Variants in BBX observed in about 807,000 individuals in gnomAD.
The protein encoded by BBX is BBX high mobility group box domain containing.
BBX carries 30 observed loss-of-function variants against 100.2 expected under a neutral mutation model. That is an observed-to-expected ratio of 0.30 (90% confidence interval 0.22 to 0.41). The LOEUF (loss-of-function observed/expected upper bound fraction) is 0.41. BBX is among the 10% of genes least tolerant of loss of function. The pLI, the probability that BBX is intolerant of heterozygous loss-of-function variation, is 1.00. For synonymous variants in BBX, 376 were observed against 388.1 expected (o/e 0.97, Z 0.37); for missense variants, 1,023 against 1,129.8 (o/e 0.91, Z 1.35).
chr3:107,617,533 AT>A (rs2055387994), intron 2 of BBX, among the ~76,000 whole-genome samples: 1 of 151,888 alleles, frequency 6.6e-6, no homozygotes, highest in Non-Finnish European at 1.5e-5. Context: ...AGTTACTGAG[AT>A]CTCCCTTGAT....
chr3:107,691,357 T>G (rs890183685), intron 3 of BBX, among the ~76,000 whole-genome samples: 3 of 152,220 alleles, frequency 2.0e-5, no homozygotes, highest in Non-Finnish European at 4.4e-5. Flanking sequence ...AAATAAGGTT[T>G]TAGTACTTGG....
In BBX at chr3:107,725,319, G is replaced by T. The variant is rs2062840371; in HGVS notation, c.406-3446G>T. Among the ~76,000 whole-genome samples the T allele has an allele frequency of 2.0e-5, 3 of 152,118 alleles. 1 individual carries two copies. In the South Asian group the frequency reaches 6.2e-4, roughly 32 times the overall value. Reference sequence around the variant, plus strand: ...TAAGGAGATTTTGGGCTGAGACAATGGGGTTTTCTAGATATACAATCATGT... The same window carrying T: ...TAAGGAGATTTTGGGCTGAGACAATTGGGTTTTCTAGATATACAATCATGT... On this transcript the variant is annotated intron_variant, in intron 5 of 17. Coordinates refer to ENST00000325805, the MANE Select transcript of BBX (RefSeq NM_001142568.3).
At chr3:107,740,246 C>A (rs1419863834) in intron 7 of BBX, among the ~76,000 whole-genome samples, 1 of 152,046 alleles carries the variant, frequency 6.6e-6, no homozygotes, top group Non-Finnish European at 1.5e-5. Flanking sequence ...AAAACCATCT[C>A]TTCTCATAAA....
chr3:107,661,382 G>A (rs1224634538), intron 3 of BBX, among the ~76,000 whole-genome samples: 3 of 152,116 alleles, frequency 2.0e-5, no homozygotes, highest in Non-Finnish European at 4.4e-5. Context: ...TGTGTCTTGG[G>A]CAAGTCACAT....
intron 13 of BBX, among the ~76,000 whole-genome samples, chr3:107,786,230 G>A (rs979212303): frequency 6.6e-6 from 1 of 151,986 alleles, no homozygotes; most frequent in Admixed American, 6.6e-5. Flanking sequence ...TTGTTAAGAT[G>A]GAAACACTCT....
chr3:107,594,807 A>T (rs2053568908), intron 2 of BBX, among the ~76,000 whole-genome samples: 2 of 152,204 alleles, frequency 1.3e-5, no homozygotes, highest in Non-Finnish European at 2.9e-5. Context: ...GAAAAAAAAA[A>T]TTTGATAAAC....
intron 2 of BBX, among the ~76,000 whole-genome samples, chr3:107,579,572 C>T (rs2107544426): frequency 6.6e-6 from 1 of 152,338 alleles, no homozygotes; most frequent in South Asian, 2.1e-4. Flanking sequence ...TCCTGAGAGC[C>T]TGGCGGGTCT....
chr3:107,525,134 C>T (rs1343061082), intron 1 of BBX, among the ~76,000 whole-genome samples: 1 of 148,848 alleles, frequency 6.7e-6, no homozygotes, highest in African/African-American at 2.4e-5. Context: ...AGCCAGCGGC[C>T]CAGGGGCGCC....
At chr3:107,650,461 TG>T (rs923974091) in intron 3 of BBX, among the ~76,000 whole-genome samples, 4 of 151,778 alleles carry the variant, frequency 2.6e-5, no homozygotes, top group African/African-American at 9.7e-5. Flanking sequence ...AAAAAAAACA[TG>T]GGGACCACTG....
intron 2 of BBX, among the ~76,000 whole-genome samples, chr3:107,553,431 A>G (rs1428383404): frequency 6.6e-6 from 1 of 152,228 alleles, no homozygotes; most frequent in East Asian, 1.9e-4. Context: ...GTCAGTTACC[A>G]TATTGCTACT....
At chr3:107,758,449 G>A (rs2065652276) in intron 10 of BBX, among the ~76,000 whole-genome samples, 1 of 152,210 alleles carries the variant, frequency 6.6e-6, no homozygotes, top group African/African-American at 2.4e-5. Flanking sequence ...CTATTGGACA[G>A]TAACAGAGAG....
chr3:107,806,806 T>G lies in BBX; in HGVS notation c.*1349T>G, dbSNP rs1477860860. The G allele has an allele frequency of 6.6e-6, 1 of 152,238 alleles. No individual in the cohort carries two copies. The highest frequency in any genetic ancestry group is 2.4e-5 in the African/African-American group (1 of 41,460). The allele number at this position is 152,238 out of a possible 1,614,324, so 9.4% of individuals were successfully genotyped here. A position where few individuals can be genotyped will look rare whatever the true frequency, so the allele number is the denominator to read the frequency against. On this transcript the variant is annotated 3_prime_UTR_variant, in exon 18 of 18. Transcript: ENST00000325805. ...AAAATTAGTCTGAGGCTACAGATTT[T>G]ACAGGGTATTTGTTCTATAGCACAA...
At chr3:107,642,599 A>G (rs2057284524) in intron 2 of BBX, among the ~76,000 whole-genome samples, 1 of 152,190 alleles carries the variant, frequency 6.6e-6, no homozygotes, top group African/African-American at 2.4e-5. Context: ...GCATACATGT[A>G]GTTGAAAGCA....
At chr3:107,762,648 G>A (rs1008853499) in intron 10 of BBX, among the ~76,000 whole-genome samples, 1 of 152,140 alleles carries the variant, frequency 6.6e-6, no homozygotes, top group African/African-American at 2.4e-5. Flanking sequence ...CAAAACATTT[G>A]TTTTGTACTA....
intron 3 of BBX, among the ~76,000 whole-genome samples, chr3:107,657,389 T>C (rs1448396926): frequency 6.6e-6 from 1 of 152,196 alleles, no homozygotes; most frequent in Admixed American, 6.5e-5. Flanking sequence ...TGATTCCTAC[T>C]ACTATTTAGC....
At chr3:107,797,337 A>AATATATATACATATATATATAT (rs2069794084) in intron 15 of BBX, among the ~76,000 whole-genome samples, 1 of 39,326 alleles carries the variant, frequency 2.5e-5, no homozygotes, top group Non-Finnish European at 5.4e-5. Flanking sequence ...TTTTCTTCCA[A>AATATATATACATATATATATAT]ATATATATAT....
At chr3:107,613,189 A>AT (rs1378133556) in intron 2 of BBX, among the ~76,000 whole-genome samples, 2,037 of 131,858 alleles carry the variant, frequency 0.015, 10 homozygotes, top group Non-Finnish European at 0.023. Flanking sequence ...ATGGAAGGCT[A>AT]TTTTTTTTTT....
chr3:107,571,028 A>G (rs1398717008), intron 2 of BBX, among the ~76,000 whole-genome samples: 3 of 152,198 alleles, frequency 2.0e-5, no homozygotes, highest in Non-Finnish European at 4.4e-5. Context: ...ATTGGGGCCA[A>G]GCGGTGTTGC....
chr3:107,749,924 G>T (rs1188346776), intron 9 of BBX, among the ~76,000 whole-genome samples: 1 of 152,090 alleles, frequency 6.6e-6, no homozygotes, highest in Admixed American at 6.5e-5. Flanking sequence ...GTGAGCCATC[G>T]TGCCTGGCCA....
Sources: gnomAD v4.1 joint callset for allele counts (sites outside exome capture counted in the v4.1 genomes callset) on GRCh38, gnomAD v4.1.1 for gene constraint, MANE v1.5 for transcripts, NCBI Gene and HGNC (gene_info 2026-07-23, HGNC 2026-07-21) for gene names.